The following WDR72 variants were observed in gnomAD, a reference collection of about 807,000 sequenced individuals.
The protein encoded by WDR72 is WD repeat domain 72.
Under a neutral mutation model 124.2 loss-of-function variants are expected in WDR72, and 120 were observed. The ratio of observed to expected loss-of-function variants is 0.97; its 90% CI spans 0.83 to 1.12. The LOEUF (loss-of-function observed/expected upper bound fraction) is 1.12, where lower values mean the gene tolerates loss of function less well. Among genes scored for constraint, WDR72 ranks in the 50% most tolerant of loss-of-function variants. The pLI, the probability that WDR72 is intolerant of heterozygous loss-of-function variation, is 0.00. For missense variants in WDR72, 1,387 were observed against 1,278.8 expected (o/e 1.08, Z -1.29); for synonymous variants, 452 against 441.7 (o/e 1.02, Z -0.29).
In WDR72 at chr15:53,609,585, A is replaced by G; in HGVS notation, c.2880T>C (p.Asn960=). The stretch of plus-strand genomic sequence containing the variant: ...GGTCAGCCTCAGGTACATGGGATTC[A>G]TTCTTACCTAGAAATATACAGAACA... ...SFYSCLRNGK[N]ESHVPEADLS... Residue 960 remains asparagine, a synonymous_variant, in exon 17 of 20, where the codon AAT becomes AAC. Coordinates refer to ENST00000360509, the MANE Select transcript of WDR72 (RefSeq NM_182758.4). 6.2e-7 allele frequency: 1 copy of G among 1,613,176 alleles called. No individual in the cohort carries two copies. Among genetic ancestry groups the G allele is most frequent in the Non-Finnish European group, 8.5e-7 (1 of 1,179,350 alleles).
chr15:53,523,571 C>G (rs1251650726), intron 18 of WDR72, among the ~76,000 whole-genome samples: 1 of 152,024 alleles, frequency 6.6e-6, no homozygotes, highest in Non-Finnish European at 1.5e-5. Flanking sequence ...AGCTTAAAAG[C>G]TACAAAGTAA....
intron 2 of WDR72, among the ~76,000 whole-genome samples, chr15:53,725,983 A>T (rs957247863): frequency 1.3e-5 from 2 of 151,524 alleles, no homozygotes; most frequent in South Asian, 4.2e-4. Context: ...GAGGCAGTAG[A>T]TTTGCTTGAA....
At chr15:53,639,159 A>G (rs1381534699) in intron 14 of WDR72, among the ~76,000 whole-genome samples, 3 of 151,940 alleles carry the variant, frequency 2.0e-5, no homozygotes, top group Non-Finnish European at 2.9e-5. Context: ...CTCTTTCTTC[A>G]ATGCCTTTCC....
chr15:53,661,079 G>A lies in WDR72; in HGVS notation c.1962+4493C>T, dbSNP rs78293935. ...TTGGAATACAACCACCCTTGTTGAA[G>A]AATTGTCTATGGTCGCTTCTGTGCT... is the stretch of plus-strand genomic sequence containing the variant. On this transcript the variant is annotated intron_variant, in intron 14 of 19. Transcript: ENST00000360509. Among the ~76,000 whole-genome samples the A allele has an allele frequency of 2.1e-4, 32 of 152,218 alleles. 1 individual carries two copies. In the East Asian group the frequency reaches 6.2e-3, roughly 29 times the overall value.
chr15:53,729,978 A>C (rs1184516371), intron 2 of WDR72, among the ~76,000 whole-genome samples: 1 of 152,210 alleles, frequency 6.6e-6, no homozygotes, highest in East Asian at 1.9e-4. Context: ...TAATTTCAAA[A>C]ATAGAATTAC....
chr15:53,673,562 A>T (rs1477016557), intron 13 of WDR72, among the ~76,000 whole-genome samples: 2 of 152,250 alleles, frequency 1.3e-5, no homozygotes, highest in Non-Finnish European at 1.5e-5. Context: ...AAATTCTCCC[A>T]GACCATCCAA....
Position 53,538,695 on chromosome 15 carries a change from G to GT in WDR72, c.3149-15374dup, listed in dbSNP as rs527796538. Among the ~76,000 whole-genome samples, 5 of 152,200 alleles carry GT rather than the reference G, an allele frequency of 3.3e-5. No individual in the cohort carries two copies. The East Asian group carries it at 7.7e-4, about 24-fold the overall frequency. On this transcript the variant is annotated intron_variant, in intron 18 of 19. Coordinates refer to ENST00000360509, the MANE Select transcript of WDR72 (RefSeq NM_182758.4). ...GACTTATTTTGGTTTATTATAAAAA[G>GT]TTTTTTGCTGTGTTTTTATCTTGTT...
At chr15:53,688,416 A>G (rs1052854745) in intron 13 of WDR72, among the ~76,000 whole-genome samples, 3 of 149,890 alleles carry the variant, frequency 2.0e-5, no homozygotes, top group Admixed American at 6.6e-5. Context: ...TTATACACCA[A>G]CAACAGACAA....
intron 18 of WDR72, among the ~76,000 whole-genome samples, chr15:53,556,353 G>A (rs1430377500): frequency 6.6e-6 from 1 of 152,086 alleles, no homozygotes; most frequent in African/African-American, 2.4e-5. Flanking sequence ...CTTCATTTTA[G>A]TTTTCATTCT....
intron 1 of WDR72, among the ~76,000 whole-genome samples, chr15:53,755,805 T>C (rs2018887700): frequency 6.6e-6 from 1 of 151,780 alleles, no homozygotes; most frequent in Non-Finnish European, 1.5e-5. Context: ...TCAAGAAGAG[T>C]TTCTCCAAGG....
At chr15:53,667,761 G>A (rs181490030) in intron 13 of WDR72, among the ~76,000 whole-genome samples, 1 of 152,092 alleles carries the variant, frequency 6.6e-6, no homozygotes, top group East Asian at 1.9e-4. Flanking sequence ...GAGAATTATT[G>A]GGAAAGAACT....
At chr15:53,732,511 A>C (rs768076647) in intron 2 of WDR72, among the ~76,000 whole-genome samples, 4 of 152,166 alleles carry the variant, frequency 2.6e-5, no homozygotes, top group Non-Finnish European at 5.9e-5. Context: ...TTGGATTTAG[A>C]GCATTTTGAT....
At chr15:53,531,678 G>A (rs951718350) in intron 18 of WDR72, among the ~76,000 whole-genome samples, 1 of 152,026 alleles carries the variant, frequency 6.6e-6, no homozygotes, top group African/African-American at 2.4e-5. Context: ...CATGCACGTG[G>A]ATAAAGGGAA....
intron 14 of WDR72, among the ~76,000 whole-genome samples, chr15:53,631,672 G>T (rs532336208): frequency 5.5e-4 from 83 of 152,174 alleles, no homozygotes; most frequent in Admixed American, 1.6e-3. Flanking sequence ...GGTTTCAAAT[G>T]GAAATGGGGA....
chr15:53,730,946 T>TG (rs71797272), intron 2 of WDR72, among the ~76,000 whole-genome samples: 5 of 151,914 alleles, frequency 3.3e-5, no homozygotes, highest in South Asian at 2.1e-4. Flanking sequence ...AGTTGCAATG[T>TG]GGGGGGGCAA....
intron 3 of WDR72, among the ~76,000 whole-genome samples, chr15:53,722,290 C>A (rs1362030281): frequency 6.6e-6 from 1 of 152,120 alleles, no homozygotes; most frequent in East Asian, 1.9e-4. Context: ...CTGACTCAGC[C>A]TCCGAAAGTG....
intron 14 of WDR72, among the ~76,000 whole-genome samples, chr15:53,616,737 C>T (rs935058719): frequency 6.6e-6 from 1 of 151,930 alleles, no homozygotes; most frequent in African/African-American, 2.4e-5. Flanking sequence ...AAAAAACTCA[C>T]CTTGTTGACT....
chr15:53,725,694 G>A (rs943071395), intron 2 of WDR72, among the ~76,000 whole-genome samples: 1 of 152,124 alleles, frequency 6.6e-6, no homozygotes, highest in Non-Finnish European at 1.5e-5. Flanking sequence ...TATGAAAGAA[G>A]CCAATCTGTA....
intron 14 of WDR72, among the ~76,000 whole-genome samples, chr15:53,660,473 G>C (rs906343260): frequency 1.3e-5 from 2 of 151,872 alleles, no homozygotes; most frequent in Non-Finnish European, 2.9e-5. Flanking sequence ...TTCAATTGGT[G>C]GTCTACCAAT....
Sources: gnomAD v4.1 joint callset for allele counts (sites outside exome capture counted in the v4.1 genomes callset) on GRCh38, gnomAD v4.1.1 for gene constraint, MANE v1.5 for transcripts, NCBI Gene and HGNC (gene_info 2026-07-23, HGNC 2026-07-21) for gene names.